The following FRAS1 variants were observed in gnomAD, a reference collection of about 807,000 sequenced individuals.
The protein encoded by FRAS1 is Fraser extracellular matrix complex subunit 1.
A neutral mutation model predicts 435.2 loss-of-function variants in FRAS1; 290 were observed. The ratio of observed to expected loss-of-function variants is 0.67; its 90% CI spans 0.61 to 0.73. FRAS1 has a LOEUF of 0.73. Among genes scored for constraint, FRAS1 ranks in the 30% least tolerant of loss-of-function variants. The probability of loss-of-function intolerance (pLI) is 0.00; values close to 1 mark genes in which losing one functional copy is unlikely to be tolerated. For missense variants in FRAS1, 4,860 were observed against 5,001.5 expected (o/e 0.97, Z 0.85); for synonymous variants, 1,800 against 1,851.0 (o/e 0.97, Z 0.71).
At chr4:78,125,778 T>C (rs1418607734) in intron 2 of FRAS1, among the ~76,000 whole-genome samples, 1 of 152,154 alleles carries the variant, frequency 6.6e-6, no homozygotes, top group Non-Finnish European at 1.5e-5. Flanking sequence ...ACCCGCCTGT[T>C]TGAGATGTCT....
intron 2 of FRAS1, among the ~76,000 whole-genome samples, chr4:78,119,042 A>G (rs960634410): frequency 1.3e-5 from 2 of 152,170 alleles, no homozygotes; most frequent in African/African-American, 2.4e-5. Flanking sequence ...CCCAGTATAA[A>G]CATTATCTTA....
At chr4:78,129,804 G>A (rs1004351665) in intron 2 of FRAS1, among the ~76,000 whole-genome samples, 2 of 152,104 alleles carry the variant, frequency 1.3e-5, no homozygotes, top group Non-Finnish European at 2.9e-5. Flanking sequence ...AAATTCCTTA[G>A]CTTGTTTGCC....
At chr4:78,513,188 T>C (rs1288779838) in intron 64 of FRAS1, among the ~76,000 whole-genome samples, 1 of 152,188 alleles carries the variant, frequency 6.6e-6, no homozygotes, top group Non-Finnish European at 1.5e-5. Flanking sequence ...GTCCTCTGTC[T>C]GGAGGGTCTC....
At chr4:78,163,106 A>G (rs1353062893) in intron 2 of FRAS1, among the ~76,000 whole-genome samples, 2 of 152,216 alleles carry the variant, frequency 1.3e-5, no homozygotes, top group African/African-American at 4.8e-5. Context: ...GCTGTTCTCT[A>G]GAAAAATACA....
At chr4:78,172,777 T>C (rs1399182979) in intron 2 of FRAS1, among the ~76,000 whole-genome samples, 1 of 152,012 alleles carries the variant, frequency 6.6e-6, no homozygotes, top group East Asian at 1.9e-4. Flanking sequence ...ATCACCTCTT[T>C]CCATTAATTT....
chr4:78,122,045 G>T (rs897265636), intron 2 of FRAS1, among the ~76,000 whole-genome samples: 1 of 152,106 alleles, frequency 6.6e-6, no homozygotes, highest in Non-Finnish European at 1.5e-5. Context: ...TGTTACATAG[G>T]TATACACGTG....
At chr4:78,128,935 G>A (rs1719530015) in intron 2 of FRAS1, among the ~76,000 whole-genome samples, 2 of 152,210 alleles carry the variant, frequency 1.3e-5, no homozygotes, top group Admixed American at 6.5e-5. Flanking sequence ...TTTTGTATAA[G>A]GTGTAAGGAA....
chr4:78,506,783 T>C (rs866536453), intron 61 of FRAS1, among the ~76,000 whole-genome samples: 30 of 152,204 alleles, frequency 2.0e-4, no homozygotes, highest in African/African-American at 6.3e-4. Context: ...CCCAGTGAGA[T>C]GAACCAGGTA....
At chr4:78,103,604 C>T (rs1043804865) in intron 2 of FRAS1, among the ~76,000 whole-genome samples, 1 of 152,164 alleles carries the variant, frequency 6.6e-6, no homozygotes, top group Non-Finnish European at 1.5e-5. Context: ...TTTTAGAAAA[C>T]AGGGTCTATG....
chr4:78,317,266 C>A, intron 16 of FRAS1, 102 bp from the exon 17 acceptor site: 5 of 1,334,646 alleles, frequency 3.7e-6, no homozygotes, highest in Non-Finnish European at 5.3e-6. Context: ...GGTGTGACAT[C>A]CACAGGGGAC....
chr4:78,436,513 A>T (rs1734434983), intron 38 of FRAS1, among the ~76,000 whole-genome samples: 1 of 152,238 alleles, frequency 6.6e-6, no homozygotes, highest in Admixed American at 6.5e-5. Flanking sequence ...CTTGTGCAAG[A>T]ATGTTCATAG....
intron 32 of FRAS1, among the ~76,000 whole-genome samples, chr4:78,418,531 C>T (rs1425053805): frequency 2.0e-5 from 3 of 152,138 alleles, no homozygotes; most frequent in African/African-American, 7.2e-5. Context: ...GTGACAGAGC[C>T]AGACCCTGTC....
chr4:78,494,010 T>C (rs944992253), intron 59 of FRAS1, among the ~76,000 whole-genome samples: 21 of 151,264 alleles, frequency 1.4e-4, no homozygotes, highest in Admixed American at 1.3e-4. Context: ...CTTATGTTTG[T>C]TTTTTTTTAT....
intron 72 of FRAS1, among the ~76,000 whole-genome samples, chr4:78,537,691 C>A (rs1721926650): frequency 6.6e-6 from 1 of 152,004 alleles, no homozygotes; most frequent in Non-Finnish European, 1.5e-5. Context: ...GCCTGTAATC[C>A]CAACATTTTG....
At chr4:78,119,003 A>T (rs6848290) in intron 2 of FRAS1, among the ~76,000 whole-genome samples, 8,234 of 151,358 alleles carry the variant, frequency 0.054, 374 homozygotes, top group African/African-American at 0.12. Flanking sequence ...TAACTCTTTT[A>T]TAGAATATGT....
At chr4:78,260,998 C>A (rs906255024) in intron 6 of FRAS1, among the ~76,000 whole-genome samples, 4 of 151,956 alleles carry the variant, frequency 2.6e-5, no homozygotes, top group African/African-American at 9.7e-5. Flanking sequence ...ATATCTGTTC[C>A]AATTATTCTC....
rs1251926035 is a variant in FRAS1, at chr4:78,430,336, C to T, written c.4888C>T (p.Leu1630Phe). 4 of 1,613,594 alleles carry T rather than the reference C, an allele frequency of 2.5e-6. No individual in the cohort carries two copies. The highest frequency in any genetic ancestry group is 1.1e-5 in the South Asian group (1 of 91,070). Residue 1630 changes from leucine (L) to phenylalanine (F), a missense_variant, in exon 37 of 74, where the codon CTC becomes TTC. By Grantham distance (22) the Leu-to-Phe change is conservative. Coordinates refer to ENST00000512123, the MANE Select transcript of FRAS1 (RefSeq NM_025074.7). ...AGATGCTGAGACAGCGCCCAAAGAA[C>T]TCTTCTTTGAGCTTCGGAGACCTCC... ...VRDAETAPKE[L>F]FFELRRPPQH...
rs1259001319 is a variant in FRAS1, at chr4:78,429,199, G to A, written c.4816G>A (p.Val1606Ile). 7 of 1,607,112 alleles carry A rather than the reference G, an allele frequency of 4.4e-6. No homozygotes were observed. The highest frequency in any genetic ancestry group is 5.9e-6 in the Non-Finnish European group (7 of 1,177,164). The change falls in exon 36 of 74, where the codon GTC becomes ATC. Residue 1606 changes from valine (V) to isoleucine (I), a missense_variant. Coordinates refer to ENST00000512123, the MANE Select transcript of FRAS1 (RefSeq NM_025074.7). ...CCAGGTCACAGCTCCACGGCTGGCG[G>A]TCAGCCCAGGAGGCAGCACTTCTGT... ...VFQVTAPRLAVSPGGSTSVGL... is the reference protein window; with the variant it reads ...VFQVTAPRLAISPGGSTSVGL...
intron 2 of FRAS1, among the ~76,000 whole-genome samples, chr4:78,111,744 G>A (rs1283866809): frequency 3.0e-5 from 3 of 99,006 alleles, no homozygotes; most frequent in Non-Finnish European, 5.6e-5. Flanking sequence ...CTAAAACTTA[G>A]AGTATAATAA....
Sources: gnomAD v4.1 joint callset for allele counts (sites outside exome capture counted in the v4.1 genomes callset) on GRCh38, gnomAD v4.1.1 for gene constraint, MANE v1.5 for transcripts, NCBI Gene and HGNC (gene_info 2026-07-23, HGNC 2026-07-21) for gene names.